DMD: variants seen among roughly 807,000 people sequenced by gnomAD.
The protein encoded by DMD is mutant dystrophin.
DMD carries 63 observed loss-of-function variants against 330.1 expected under a neutral mutation model. The observed-to-expected ratio is 0.19, with a 90% confidence interval of 0.16 to 0.24. The LOEUF is 0.24. Ranked by LOEUF, DMD falls within the 10% of genes least tolerant of loss-of-function variation. The pLI is 1.00. For synonymous variants in DMD, 1,223 were observed against 959.8 expected (o/e 1.27, Z -5.07); for missense variants, 3,344 against 2,684.1 (o/e 1.25, Z -5.43).
chrX:32,312,310 A>G (rs2097565407), intron 41 of DMD, among the ~76,000 whole-genome samples: 1 of 111,366 alleles, frequency 9.0e-6, no homozygotes, highest in African/African-American at 3.2e-5. Context: ...TAAAAGAAAA[A>G]TAATTCTAAG....
chrX:32,145,173 AC>A (rs746585659), intron 44 of DMD, among the ~76,000 whole-genome samples: 129 of 112,615 alleles, frequency 1.1e-3, no homozygotes, highest in Non-Finnish European at 1.6e-3. Flanking sequence ...AAAGTTTAAG[AC>A]CCATGACACA....
intron 1 of DMD, among the ~76,000 whole-genome samples, chrX:33,286,769 G>C (rs1366503898): frequency 8.9e-6 from 1 of 112,319 alleles, no homozygotes; most frequent in African/African-American, 3.2e-5. Flanking sequence ...CTGACAGGCT[G>C]TTCAGCCTCT....
At position 32,887,770 on chromosome X, in the gene DMD, A is replaced by AAAAAAAAAAAAAAAAAAAAAAAAAAC. The variant is rs1383701636; in HGVS notation, c.94-37951_94-37950insGTTTTTTTTTTTTTTTTTTTTTTTTT. 1.4e-4 allele frequency among the ~76,000 whole-genome samples: 10 copies of AAAAAAAAAAAAAAAAAAAAAAAAAAC among 70,361 alleles called. 1 individual carries two copies. Among genetic ancestry groups the AAAAAAAAAAAAAAAAAAAAAAAAAAC allele is most frequent in the Non-Finnish European group, 1.7e-4 (6 of 34,640 alleles). The allele number at this position is 70,361 out of a possible 115,157, so 61.1% of individuals were successfully genotyped here. On this transcript the variant is annotated intron_variant, in intron 2 of 78. Coordinates refer to ENST00000357033, the MANE Select transcript of DMD (RefSeq NM_004006.3). ...CAAAAAAAAAAAAAAAAAAAAAAAAAAAAAAACATCAACTAAAAGCTTATG... is the reference window on the plus strand; with the variant it reads ...CAAAAAAAAAAAAAAAAAAAAAAAAAAAAAAAAAAAAAAAAAAAAAAAAAACAAAAAACATCAACTAAAAGCTTATG...
intron 9 of DMD, among the ~76,000 whole-genome samples, chrX:32,680,064 C>G (rs1325044123): frequency 9.3e-6 from 1 of 107,281 alleles, no homozygotes; most frequent in Non-Finnish European, 1.9e-5. Flanking sequence ...CAGGCATGTG[C>G]CACCACACCT....
intron 44 of DMD, among the ~76,000 whole-genome samples, chrX:32,215,160 A>G (rs1019069877): frequency 8.9e-6 from 1 of 111,785 alleles, no homozygotes; most frequent in Non-Finnish European, 1.9e-5. Flanking sequence ...CAATTTGACA[A>G]TAGAGATTAT....
chrX:32,783,137 A>G (rs971442633), intron 7 of DMD, among the ~76,000 whole-genome samples: 19 of 101,458 alleles, frequency 1.9e-4, no homozygotes, highest in East Asian at 9.4e-4. Flanking sequence ...ACATATATGT[A>G]TATATATATA....
intron 2 of DMD, among the ~76,000 whole-genome samples, chrX:32,897,022 T>G (rs1279743588): frequency 8.9e-6 from 1 of 112,065 alleles, no homozygotes; most frequent in Non-Finnish European, 1.9e-5. Flanking sequence ...TACTTTAACA[T>G]GGGCCTTCAA....
chrX:32,679,637 G>C (rs1337599216), intron 9 of DMD, among the ~76,000 whole-genome samples: 4 of 110,524 alleles, frequency 3.6e-5, no homozygotes, highest in African/African-American at 9.9e-5. Context: ...AAAGATGGGG[G>C]TGATGAAAAA....
intron 1 of DMD, among the ~76,000 whole-genome samples, chrX:33,060,274 T>C (rs113711693): frequency 0.012 from 1,303 of 110,829 alleles, 22 homozygotes; most frequent in African/African-American, 0.041. Flanking sequence ...CTGCTGAAAA[T>C]AGTCCAGTCA....
At chrX:32,463,322 G>T in intron 25 of DMD, 117 bp downstream of exon 25, 3 of 617,104 alleles carry the variant, frequency 4.9e-6, no homozygotes, top group African/African-American at 2.3e-5. Flanking sequence ...AATTAATTGT[G>T]CTTTAAAGCA....
At chrX:32,790,574 A>G (rs1162595870) in intron 7 of DMD, among the ~76,000 whole-genome samples, 1 of 111,150 alleles carries the variant, frequency 9.0e-6, no homozygotes, top group Non-Finnish European at 1.9e-5. Flanking sequence ...AATCTTCCCT[A>G]TCTCCACATT....
At chrX:33,287,303 C>T (rs999115568) in intron 1 of DMD, among the ~76,000 whole-genome samples, 1 of 110,259 alleles carries the variant, frequency 9.1e-6, no homozygotes, top group Non-Finnish European at 1.9e-5. Flanking sequence ...TCGGGGGAGG[C>T]CGTCCTTTGC....
chrX:32,200,730 T>C (rs2097031713), intron 44 of DMD, among the ~76,000 whole-genome samples: 1 of 111,683 alleles, frequency 9.0e-6, no homozygotes, highest in Non-Finnish European at 1.9e-5. Context: ...TAAATGAGCA[T>C]TTACTTCCTT....
intron 44 of DMD, among the ~76,000 whole-genome samples, chrX:32,054,368 G>T (rs1254674346): frequency 3.2e-4 from 17 of 53,823 alleles, no homozygotes; most frequent in Non-Finnish European, 6.5e-5. Context: ...AACAGGCCCC[G>T]GTGTGTGATG....
intron 43 of DMD, among the ~76,000 whole-genome samples, chrX:32,248,890 T>A (rs190768918): frequency 9.0e-6 from 1 of 111,616 alleles, no homozygotes; most frequent in East Asian, 2.8e-4. Flanking sequence ...CTAATCATTA[T>A]GAAATAATAG....
intron 48 of DMD, among the ~76,000 whole-genome samples, chrX:31,845,187 G>A (rs913902932): frequency 9.0e-6 from 1 of 110,590 alleles, no homozygotes; most frequent in African/African-American, 3.3e-5. Flanking sequence ...CTCTCTTCAG[G>A]AAATGGAATG....
At chrX:32,857,496 C>A (rs1454328015) in intron 2 of DMD, among the ~76,000 whole-genome samples, 4 of 112,025 alleles carry the variant, frequency 3.6e-5, no homozygotes, top group Non-Finnish European at 7.5e-5. Context: ...CAAAATTTCA[C>A]ACTTATCTGA....
chrX:32,448,559 G>A lies in DMD; in HGVS notation c.3683C>T (p.Ala1228Val). The change falls in exon 27 of 79, where the codon GCT becomes GTT. Residue 1228 changes from alanine to valine, a missense_variant. Ala to Val is a moderately conservative substitution (Grantham distance 64). Transcript: ENST00000357033. Reference protein sequence around the residue: ...TESVNSVIAQAPPVAQEALKK... With the variant: ...TESVNSVIAQVPPVAQEALKK... ...TAAGGCCTCTTGTGCTACAGGTGGAGCTTGAGCTATGACACTATTTACAGA... is the reference window on the plus strand; with the variant it reads ...TAAGGCCTCTTGTGCTACAGGTGGAACTTGAGCTATGACACTATTTACAGA... 1 of 1,208,760 alleles carries A rather than the reference G, an allele frequency of 8.3e-7. No homozygotes were observed. Among genetic ancestry groups the A allele is most frequent in the Non-Finnish European group, 1.1e-6 (1 of 893,271 alleles).
chrX:33,323,710 G>A (rs1569131645), intron 1 of DMD, among the ~76,000 whole-genome samples: 1 of 111,263 alleles, frequency 9.0e-6, no homozygotes, highest in Non-Finnish European at 1.9e-5. Flanking sequence ...CTGCATTCAT[G>A]CCGAGCACAT....
Sources: gnomAD v4.1 joint callset for allele counts (sites outside exome capture counted in the v4.1 genomes callset) on GRCh38, gnomAD v4.1.1 for gene constraint, MANE v1.5 for transcripts, NCBI Gene and HGNC (gene_info 2026-07-23, HGNC 2026-07-21) for gene names.